Variants in SLC10A4 observed in about 807,000 individuals in gnomAD.
SLC10A4 encodes putative sodium/bile acid cotransporter 4.
In SLC10A4, 17 loss-of-function variants were observed where a neutral mutation model predicts 22.5. The ratio of observed to expected loss-of-function variants is 0.76; its 90% CI spans 0.52 to 1.14. SLC10A4 has a LOEUF of 1.14. SLC10A4 is among the 50% of genes most tolerant of loss of function. The probability of loss-of-function intolerance (pLI) is 0.00; values close to 1 mark genes in which losing one functional copy is unlikely to be tolerated. For missense variants in SLC10A4, 548 were observed against 584.0 expected, an observed-to-expected ratio of 0.94 and a Z score of 0.64; for synonymous variants, 257 against 258.2, an observed-to-expected ratio of 1.00 and a Z score of 0.04.
Position 48,484,981 on chromosome 4 carries a change from C to CA in SLC10A4, c.640_641insA (p.Leu214HisfsTer50). On this transcript the variant is annotated frameshift_variant, in exon 2 of 3. Transcript: ENST00000273861. LOFTEE classifies it high-confidence loss of function. Reference sequence around the variant, plus strand: ...GCTTCTGGCCCTCGTCTTGATGCCCCTGTGCCTGTGGATCTACAGCTGGGC... The same window carrying CA: ...GCTTCTGGCCCTCGTCTTGATGCCCCATGTGCCTGTGGATCTACAGCTGGGC... The CA allele has an allele frequency of 6.2e-7, 1 of 1,614,160 alleles. No individual in the cohort carries two copies. The highest frequency in any genetic ancestry group is 1.1e-5 in the South Asian group (1 of 91,082).
At chr4:48,485,861 T>G (rs1458229830) in intron 2 of SLC10A4, among the ~76,000 whole-genome samples, 2 of 152,330 alleles carry the variant, frequency 1.3e-5, no homozygotes, top group Non-Finnish European at 2.9e-5. Flanking sequence ...AGGCTTTGAT[T>G]TTTTAAAAAA....
chr4:48,483,635 C>T lies in SLC10A4; in HGVS notation c.74C>T (p.Ala25Val). ...GACAACTACACCCTGGCGCCCAATG[C>T]CAGCAGCCTGGGCCCCGGCACGGAC... ...LRDNYTLAPNASSLGPGTDLA... is the reference protein window; with the variant it reads ...LRDNYTLAPNVSSLGPGTDLA... The change falls in exon 1 of 3, where the codon GCC becomes GTC. Residue 25 changes from alanine (A) to valine (V), a missense_variant. Physicochemically the swap from Ala to Val is moderately conservative, Grantham distance 64. This residue lies in a region of SLC10A4 where 225 missense variants were observed against 206.9 expected (regional missense o/e 1.09). Transcript: ENST00000273861. The surrounding 1 kb of genome is among the most constrained non-coding windows in gnomAD (Gnocchi z 5.4). 1 of 1,492,868 alleles carries T rather than the reference C, an allele frequency of 6.7e-7. No individual in the cohort carries two copies. Among genetic ancestry groups the T allele is most frequent in the Non-Finnish European group, 8.9e-7 (1 of 1,125,568 alleles). The allele number at this position is 1,492,868 out of a possible 1,614,324, so 92.5% of individuals were successfully genotyped here.
Position 48,489,206 on chromosome 4 carries a change from CTG to C in SLC10A4, c.*269_*270del, listed in dbSNP as rs1718343562. 1 of 329,674 alleles carries C rather than the reference CTG, an allele frequency of 3.0e-6. No homozygotes were observed. Among genetic ancestry groups the C allele is most frequent in the Non-Finnish European group, 5.5e-6 (1 of 182,570 alleles). The allele number at this position is 329,674 out of a possible 1,614,324, so 20.4% of individuals were successfully genotyped here. A position where few individuals can be genotyped will look rare whatever the true frequency, so the allele number is the denominator to read the frequency against. On this transcript the variant is annotated 3_prime_UTR_variant, in exon 3 of 3. Coordinates refer to ENST00000273861, the MANE Select transcript of SLC10A4 (RefSeq NM_152679.4). ...TTTTTACCATCACCAATTTCTATGA[CTG>C]TTGCAAATACAGAATCTATTAGAAA...
At chr4:48,487,502 G>T (rs1718301154) in intron 2 of SLC10A4, among the ~76,000 whole-genome samples, 1 of 152,146 alleles carries the variant, frequency 6.6e-6, no homozygotes, top group Non-Finnish European at 1.5e-5. Flanking sequence ...GGAAAACACG[G>T]GGTTCAGTTC....
Position 48,483,431 on chromosome 4 carries a change from G to T in SLC10A4, c.-131G>T. Reference sequence around the variant, plus strand: ...CCGGCCCGCCGCCCCCGACGCCGCCGAGCACGTCAGCGGCGCGCAGCCGGG... The same window carrying T: ...CCGGCCCGCCGCCCCCGACGCCGCCTAGCACGTCAGCGGCGCGCAGCCGGG... On this transcript the variant is annotated 5_prime_UTR_variant, in exon 1 of 3. Coordinates refer to ENST00000273861, the MANE Select transcript of SLC10A4 (RefSeq NM_152679.4). This position sits in a 1 kb window ranked among gnomAD's most constrained non-coding sequence, Gnocchi z 5.4. 1 of 648,278 alleles carries T rather than the reference G, an allele frequency of 1.5e-6. No individual in the cohort carries two copies. The highest frequency in any genetic ancestry group is 2.2e-6 in the Non-Finnish European group (1 of 446,586). The allele number at this position is 648,278 out of a possible 1,614,324, so 40.2% of individuals were successfully genotyped here.
rs866523901 is a variant in SLC10A4, at chr4:48,483,568, G to C, written c.7G>C (p.Gly3Arg). The C allele has an allele frequency of 8.0e-6, 12 of 1,503,292 alleles. No individual in the cohort carries two copies. Among genetic ancestry groups the C allele is most frequent in the Non-Finnish European group, 1.1e-5 (12 of 1,130,524 alleles). 93.1% of individuals were successfully genotyped at this position (1,503,292 alleles called of 1,614,324 possible). The part of the protein sequence containing the change: MD[G>R]NDNVTLLFAP... ...CCGCAGCTCCGGCCGCGCCATGGAC[G>C]GCAACGACAACGTGACCCTGCTCTT... is the stretch of plus-strand genomic sequence containing the variant. Residue 3 changes from glycine (G) to arginine (R), a missense_variant, in exon 1 of 3, where the codon GGC (glycine) becomes CGC (arginine). Coordinates refer to ENST00000273861, the MANE Select transcript of SLC10A4 (RefSeq NM_152679.4). The surrounding 1 kb of genome is among the most constrained non-coding windows in gnomAD (Gnocchi z 5.4).
chr4:48,489,091 C>A lies in SLC10A4; in HGVS notation c.*152C>A. On this transcript the variant is annotated 3_prime_UTR_variant, in exon 3 of 3. Coordinates refer to ENST00000273861, the MANE Select transcript of SLC10A4 (RefSeq NM_152679.4). ...TTTTAAGGTTCACTGGTGTATTAAC[C>A]AAACGTTGTCACAAATTACAAATCA... is the stretch of plus-strand genomic sequence containing the variant. The A allele has an allele frequency of 1.2e-6, 1 of 849,768 alleles. No individual in the cohort carries two copies. The highest frequency in any genetic ancestry group is 1.7e-6 in the Non-Finnish European group (1 of 573,486). 52.6% of individuals were successfully genotyped at this position (849,768 alleles called of 1,614,324 possible). A position where few individuals can be genotyped will look rare whatever the true frequency, so the allele number is the denominator to read the frequency against.
Position 48,483,540 on chromosome 4 carries a change from A to T in SLC10A4, c.-22A>T. 1 of 1,484,838 alleles carries T rather than the reference A, an allele frequency of 6.7e-7. No individual in the cohort carries two copies. Among genetic ancestry groups the T allele is most frequent in the Non-Finnish European group, 8.9e-7 (1 of 1,121,618 alleles). 92.0% of individuals were successfully genotyped at this position (1,484,838 alleles called of 1,614,324 possible). A position where few individuals can be genotyped will look rare whatever the true frequency, so the allele number is the denominator to read the frequency against. The stretch of plus-strand genomic sequence containing the variant: ...GAGGCACGCGGCGGGAGGGGACCGG[A>T]ATCCGCAGCTCCGGCCGCGCCATGG... On this transcript the variant is annotated 5_prime_UTR_variant, in exon 1 of 3. Transcript: ENST00000273861. This position sits in a 1 kb window ranked among gnomAD's most constrained non-coding sequence, Gnocchi z 5.4.
chr4:48,483,843 C>G lies in SLC10A4; in HGVS notation c.282C>G (p.Leu94=), dbSNP rs1308357147. 11 of 1,538,208 alleles carry G rather than the reference C, an allele frequency of 7.2e-6. No homozygotes were observed. The South Asian group carries it at 9.6e-5, about 13-fold the overall frequency. The change falls in exon 1 of 3, where the codon CTC becomes CTG. Residue 94 remains leucine (L), a synonymous_variant. Coordinates refer to ENST00000273861, the MANE Select transcript of SLC10A4 (RefSeq NM_152679.4). This position sits in a 1 kb window ranked among gnomAD's most constrained non-coding sequence, Gnocchi z 5.4. The part of the protein sequence containing the change: ...PFPRPWAPHA[L]PFWDTPLNHG... ...CTCGGCCCTGGGCGCCCCACGCGCT[C>G]CCGTTCTGGGACACGCCGCTGAACC...
rs35831946 is a variant in SLC10A4 at position 48,487,788 on chromosome 4, C to CTTTTTTTTTTTTT, written c.802-620_802-608dup. 7.5e-5 allele frequency among the ~76,000 whole-genome samples: 3 copies of CTTTTTTTTTTTTT among 39,800 alleles called. 1 individual carries two copies. Among genetic ancestry groups the CTTTTTTTTTTTTT allele is most frequent in the African/African-American group, 2.7e-4 (2 of 7,418 alleles). The allele number at this position is 39,800 out of a possible 152,430, so 26.1% of individuals were successfully genotyped here. A position where few individuals can be genotyped will look rare whatever the true frequency, so the allele number is the denominator to read the frequency against. On this transcript the variant is annotated intron_variant, in intron 2 of 2. Coordinates refer to ENST00000273861, the MANE Select transcript of SLC10A4 (RefSeq NM_152679.4). Reference sequence around the variant, plus strand: ...TTGAAGGCTATTTTTTTTTGAAGAGCTTTTTTTTTTTTTTTTTTTTTTTTT... The same window carrying CTTTTTTTTTTTTT: ...TTGAAGGCTATTTTTTTTTGAAGAGCTTTTTTTTTTTTTTTTTTTTTTTTTTTTTTTTTTTTTT...
At chr4:48,484,847 A>T in intron 1 of SLC10A4, 85 bp from the exon 2 acceptor site, 6 of 1,300,468 alleles carry the variant, frequency 4.6e-6, no homozygotes, top group South Asian at 1.3e-5. Context: ...TCCCCGTTCC[A>T]CCTCTACTCA....
At position 48,483,805 on chromosome 4, in the gene SLC10A4, C is replaced by T; in HGVS notation, c.244C>T (p.Pro82Ser). The T allele has an allele frequency of 6.6e-7, 1 of 1,521,928 alleles. No homozygotes were observed. Among genetic ancestry groups the T allele is most frequent in the Admixed American group, 2.0e-5 (1 of 49,862 alleles). The allele number at this position is 1,521,928 out of a possible 1,614,324, so 94.3% of individuals were successfully genotyped here. A position where few individuals can be genotyped will look rare whatever the true frequency, so the allele number is the denominator to read the frequency against. The change falls in exon 1 of 3, where the codon CCT (proline) becomes TCT (serine). Residue 82 changes from proline (P) to serine (S), a missense_variant. Pro to Ser is a moderately conservative substitution (Grantham distance 74, BLOSUM62 -1). Transcript: ENST00000273861. This position sits in a 1 kb window ranked among gnomAD's most constrained non-coding sequence, Gnocchi z 5.4. ...CGCGGGCGGCGCGGCGAGCCACGGCCCTTCCCCGTTCCCTCGGCCCTGGGC... is the reference window on the plus strand; with the variant it reads ...CGCGGGCGGCGCGGCGAGCCACGGCTCTTCCCCGTTCCCTCGGCCCTGGGC... Reference protein sequence around the residue: ...GLAGGAASHGPSPFPRPWAPH... With the variant: ...GLAGGAASHGSSPFPRPWAPH...
At chr4:48,487,864 GCGCGATCTCTGCT>G (rs1477092097) in intron 2 of SLC10A4, among the ~76,000 whole-genome samples, 1 of 141,266 alleles carries the variant, frequency 7.1e-6, no homozygotes, top group Non-Finnish European at 1.5e-5. Context: ...GAGTGCAGTG[GCGCGATCTCTGCT>G]CACTGCAACC....
chr4:48,488,387 G>A, intron 2 of SLC10A4, 40 bp from the exon 3 acceptor site: 2 of 1,531,914 alleles, frequency 1.3e-6, no homozygotes, highest in South Asian at 2.6e-5. Context: ...TCTCGCCTGA[G>A]TTCATCTTCA....
chr4:48,484,179 C>G, intron 1 of SLC10A4, 28 bp downstream of exon 1: 14 of 1,518,294 alleles, frequency 9.2e-6, no homozygotes, highest in Non-Finnish European at 1.1e-5. Context: ...CCTTGGGCAT[C>G]TGTCTCATCC....
At position 48,485,090 on chromosome 4, in the gene SLC10A4, T is replaced by A. The variant is rs1718261417; in HGVS notation, c.749T>A (p.Leu250Ter). 8.1e-6 allele frequency: 13 copies of A among 1,614,144 alleles called. No individual in the cohort carries two copies. The highest frequency in any genetic ancestry group is 1.1e-5 in the Non-Finnish European group (13 of 1,180,022). Residue 250 changes from leucine (L) to a stop codon, truncating the protein, a stop_gained, in exon 2 of 3, where the codon TTG (leucine) becomes TAG (stop). Coordinates refer to ENST00000273861, the MANE Select transcript of SLC10A4 (RefSeq NM_152679.4). LOFTEE classifies it high-confidence loss of function. ...TGCAGCACTCTCATACCTATCGGGT[T>A]GGGCGTCTTCATTCGCTACAAATAC... Reference protein sequence around the residue: ...TLCSTLIPIGLGVFIRYKYSR... With the variant: ...TLCSTLIPIG
intron 2 of SLC10A4, among the ~76,000 whole-genome samples, chr4:48,487,258 A>C (rs1188452916): frequency 6.6e-6 from 1 of 152,226 alleles, no homozygotes; most frequent in African/African-American, 2.4e-5. Context: ...TATAGATGGG[A>C]GGTTTCTCAT....
rs1718229627 is a variant in SLC10A4 at position 48,483,942 on chromosome 4, C to T, written c.381C>T (p.Asn127=). The change falls in exon 1 of 3, where the codon AAC becomes AAT. Residue 127 remains asparagine (N), a synonymous_variant. Transcript: ENST00000273861. The surrounding 1 kb of genome is among the most constrained non-coding windows in gnomAD (Gnocchi z 5.4). ...GCCTGGGCTGCACGGTGGACGTGAA[C>T]CACTTCGGGGCGCACGTCCGTCGGC... The part of the protein sequence containing the change: ...MLGLGCTVDV[N]HFGAHVRRPV... The T allele has an allele frequency of 6.5e-7, 1 of 1,543,450 alleles. No homozygotes were observed. Among genetic ancestry groups the T allele is most frequent in the Non-Finnish European group, 8.7e-7 (1 of 1,145,424 alleles).
rs183837531 is a variant in SLC10A4 at position 48,487,868 on chromosome 4, G to A, written c.802-559G>A. On this transcript the variant is annotated intron_variant, in intron 2 of 2. Coordinates refer to ENST00000273861, the MANE Select transcript of SLC10A4 (RefSeq NM_152679.4). ...CACCCAGGCTGGAGTGCAGTGGCGC[G>A]ATCTCTGCTCACTGCAACCTCCACC... Among the ~76,000 whole-genome samples the A allele has an allele frequency of 7.7e-3, 1,017 of 131,476 alleles. 6 individuals carry two copies. Among genetic ancestry groups the A allele is most frequent in the Non-Finnish European group, 0.011 (734 of 64,546 alleles). The allele number at this position is 131,476 out of a possible 152,430, so 86.3% of individuals were successfully genotyped here.
Sources: gnomAD v4.1 joint callset for allele counts (sites outside exome capture counted in the v4.1 genomes callset) on GRCh38, gnomAD v4.1.1 for gene constraint, gnomAD v4.1.1 regional missense constraint, Gnocchi (gnomAD v3.1) non-coding constraint, MANE v1.5 for transcripts, NCBI Gene and HGNC (gene_info 2026-07-23, HGNC 2026-07-21) for gene names.